The following TNFAIP8 variants were observed in gnomAD, a reference collection of about 807,000 sequenced individuals.
TNFAIP8 encodes tumor necrosis factor alpha-induced protein 8.
TNFAIP8 carries 7 observed loss-of-function variants against 13.3 expected under a neutral mutation model. The observed-to-expected ratio is 0.52, with a 90% CI of 0.30 to 0.99. The LOEUF is 0.99. Ranked by LOEUF, TNFAIP8 falls within the 50% of genes least tolerant of loss-of-function variation. The pLI is 0.07. For missense variants in TNFAIP8, 258 were observed against 236.9 expected (o/e 1.09, Z -0.58); for synonymous variants, 94 against 87.6 (o/e 1.07, Z -0.41).
intron 1 of TNFAIP8, among the ~76,000 whole-genome samples, chr5:119,350,892 C>G (rs1751100814): frequency 6.6e-6 from 1 of 152,084 alleles, no homozygotes; most frequent in African/African-American, 2.4e-5. Context: ...ACATCAGCCT[C>G]CCCAGTCTTA....
intron 1 of TNFAIP8, among the ~76,000 whole-genome samples, chr5:119,327,742 A>G (rs962529317): frequency 1.3e-5 from 2 of 152,150 alleles, no homozygotes; most frequent in African/African-American, 4.8e-5. Flanking sequence ...TACACGTGTG[A>G]GCCACCGTGC....
intron 1 of TNFAIP8, among the ~76,000 whole-genome samples, chr5:119,318,511 G>A (rs761809508): frequency 6.6e-6 from 1 of 151,990 alleles, no homozygotes; most frequent in African/African-American, 2.4e-5. Flanking sequence ...GCCCAGGCTG[G>A]TCTTGAACTC....
intron 1 of TNFAIP8, among the ~76,000 whole-genome samples, chr5:119,319,473 A>G (rs114023448): frequency 6.6e-6 from 1 of 152,290 alleles, no homozygotes; most frequent in East Asian, 1.9e-4. Context: ...TTGATGGTCA[A>G]ATTTTCTCCT....
intron 1 of TNFAIP8, among the ~76,000 whole-genome samples, chr5:119,348,726 C>G (rs1751000816): frequency 6.6e-6 from 1 of 151,832 alleles, no homozygotes; most frequent in Non-Finnish European, 1.5e-5. Context: ...ACTAAAAATA[C>G]AAAATTAGCC....
chr5:119,356,087 C>G lies in TNFAIP8; in HGVS notation c.-4C>G, dbSNP rs760916143. ...TCGCCCCTGCAGCTGGTTATCCTGA[C>G]ATTATGCACTCCGAAGCAGAAGAAT... is the stretch of plus-strand genomic sequence containing the variant. On this transcript the variant is annotated 5_prime_UTR_variant, in exon 1 of 2. Transcript: ENST00000504771. The G allele has an allele frequency of 1.2e-5, 19 of 1,587,494 alleles. No homozygotes were observed. In the Admixed American group the frequency reaches 1.4e-4, roughly 12 times the overall value.
chr5:119,356,098 C>T lies in TNFAIP8; in HGVS notation c.8C>T (p.Ser3Phe), dbSNP rs1400221467. The change falls in exon 1 of 2, where the codon TCC becomes TTC. Residue 3 changes from serine to phenylalanine, a missense_variant. Coordinates refer to ENST00000504771, the MANE Select transcript of TNFAIP8 (RefSeq NM_014350.4). The part of the protein sequence containing the change: MH[S>F]EAEESKEVAT... ...GCTGGTTATCCTGACATTATGCACT[C>T]CGAAGCAGAAGAATCCAAGGAAGGT... 3.1e-6 allele frequency: 5 copies of T among 1,587,922 alleles called. No individual in the cohort carries two copies. The African/African-American group carries it at 4.1e-5, about 13-fold the overall frequency.
chr5:119,338,728 A>C (rs776910304), intron 1 of TNFAIP8, among the ~76,000 whole-genome samples: 7 of 152,234 alleles, frequency 4.6e-5, no homozygotes, highest in Admixed American at 1.3e-4. Flanking sequence ...TTACTGTACA[A>C]GAAAGAGAAA....
At chr5:119,314,262 G>C (rs1749820562) in intron 1 of TNFAIP8, among the ~76,000 whole-genome samples, 1 of 152,200 alleles carries the variant, frequency 6.6e-6, no homozygotes, top group Non-Finnish European at 1.5e-5. Flanking sequence ...CATGGGACAG[G>C]GTCTGGCCAG....
intron 1 of TNFAIP8, among the ~76,000 whole-genome samples, chr5:119,311,688 C>CAAAAAAAAAAA (rs55965350): frequency 9.0e-5 from 6 of 66,656 alleles, no homozygotes; most frequent in South Asian, 6.5e-4. Context: ...GACTCCGTCT[C>CAAAAAAAAAAA]AAAAAAAAAA....
intron 1 of TNFAIP8, among the ~76,000 whole-genome samples, chr5:119,383,948 A>G (rs1752578148): frequency 6.6e-6 from 1 of 152,028 alleles, no homozygotes; most frequent in Non-Finnish European, 1.5e-5. Context: ...CTTTTCTTTC[A>G]TCTTACTTCA....
In TNFAIP8 at chr5:119,374,011, A is replaced by G. The variant is rs188206469; in HGVS notation, c.31+17890A>G. 4.6e-5 allele frequency among the ~76,000 whole-genome samples: 7 copies of G among 152,250 alleles called. No homozygotes were observed. The East Asian group carries it at 1.3e-3, about 29-fold the overall frequency. ...TTTCTTATGGTTTTAAACATTTTTTAATGATTTTTAATGATATATTTAGGG... is the reference window on the plus strand; with the variant it reads ...TTTCTTATGGTTTTAAACATTTTTTGATGATTTTTAATGATATATTTAGGG... On this transcript the variant is annotated intron_variant, in intron 1 of 1. Coordinates refer to ENST00000504771, the MANE Select transcript of TNFAIP8 (RefSeq NM_014350.4).
chr5:119,294,444 C>T (rs1749099199), intron 1 of TNFAIP8, among the ~76,000 whole-genome samples: 1 of 152,128 alleles, frequency 6.6e-6, no homozygotes, highest in South Asian at 2.1e-4. Context: ...TCCAGTCTAT[C>T]ATTGTTGGAC....
At chr5:119,330,886 CAG>C (rs1355775193) in intron 1 of TNFAIP8, among the ~76,000 whole-genome samples, 1 of 151,846 alleles carries the variant, frequency 6.6e-6, no homozygotes, top group Non-Finnish European at 1.5e-5. Context: ...GTTGCACTCT[CAG>C]GGGCTGGGGG....
chr5:119,292,681 TATATAC>T (rs1262587040), intron 1 of TNFAIP8, among the ~76,000 whole-genome samples: 26 of 40,794 alleles, frequency 6.4e-4, no homozygotes, highest in Admixed American at 1.2e-3. Flanking sequence ...TATATATATA[TATATAC>T]ACACACACAC....
rs1031401840 is a variant in TNFAIP8, at chr5:119,399,045, C to T, written c.*5664C>T. 2 of 152,208 alleles carry T rather than the reference C, an allele frequency of 1.3e-5. No homozygotes were observed. The highest frequency in any genetic ancestry group is 2.9e-5 in the Non-Finnish European group (2 of 68,040). The allele number at this position is 152,208 out of a possible 1,614,324, so 9.4% of individuals were successfully genotyped here. ...ACTTGCTGATAATTGGATCAAAGTT[C>T]CAGCATTATTGCTCTTTTCGAATCA... On this transcript the variant is annotated 3_prime_UTR_variant, in exon 2 of 2. Coordinates refer to ENST00000504771, the MANE Select transcript of TNFAIP8 (RefSeq NM_014350.4).
rs58886834 is a variant in TNFAIP8 at position 119,361,211 on chromosome 5, A to G, written c.31+5090A>G. Among the ~76,000 whole-genome samples the G allele has an allele frequency of 1.1e-3, 168 of 150,356 alleles. 5 individuals carry two copies. In the East Asian group the frequency reaches 0.025, roughly 23 times the overall value. ...AGTCAGGACACCTTTCTCAGGAAGC[A>G]TTTGCGGGGCTGCAGCGCACTGCCC... On this transcript the variant is annotated intron_variant, in intron 1 of 1. Transcript: ENST00000504771.
intron 1 of TNFAIP8, among the ~76,000 whole-genome samples, chr5:119,312,204 C>T (rs992692396): frequency 3.3e-5 from 5 of 152,078 alleles, no homozygotes; most frequent in African/African-American, 9.7e-5. Flanking sequence ...GGGGAGGAGT[C>T]TGGTTTGACA....
intron 1 of TNFAIP8, among the ~76,000 whole-genome samples, chr5:119,332,880 T>TA (rs1750427818): frequency 6.6e-6 from 1 of 152,316 alleles, no homozygotes; most frequent in Non-Finnish European, 1.5e-5. Context: ...CACTCACACT[T>TA]ACATTCATTA....
intron 1 of TNFAIP8, among the ~76,000 whole-genome samples, chr5:119,368,868 C>G (rs904308178): frequency 2.6e-5 from 4 of 152,032 alleles, no homozygotes; most frequent in Non-Finnish European, 4.4e-5. Context: ...CTCCTTGACT[C>G]TTCTTTCATG....
Sources: gnomAD v4.1 joint callset for allele counts (sites outside exome capture counted in the v4.1 genomes callset) on GRCh38, gnomAD v4.1.1 for gene constraint, MANE v1.5 for transcripts, NCBI Gene and HGNC (gene_info 2026-07-23, HGNC 2026-07-21) for gene names.